Variants in FDX1 observed in about 807,000 individuals in gnomAD.
FDX1 encodes adrenodoxin, mitochondrial.
In FDX1, 9 loss-of-function variants were observed where a neutral mutation model predicts 14.9. The observed-to-expected ratio is 0.60, with a 90% CI of 0.36 to 1.05. The LOEUF is 1.05. Ranked by LOEUF, FDX1 falls within the 50% of genes least tolerant of loss-of-function variation. The pLI is 0.01. For missense variants in FDX1, 204 were observed against 237.2 expected, an observed-to-expected ratio of 0.86 and a Z score of 0.92; for synonymous variants, 92 against 99.4, an observed-to-expected ratio of 0.93 and a Z score of 0.44.
chr11:110,444,705 CGTATAT>C (rs1946434051), intron 2 of FDX1, among the ~76,000 whole-genome samples: 8 of 36,636 alleles, frequency 2.2e-4, no homozygotes, highest in African/African-American at 6.8e-4. Flanking sequence ...TATATATATA[CGTATAT>C]ATATATATAT....
chr11:110,460,664 C>T (rs1242379655), intron 3 of FDX1, among the ~76,000 whole-genome samples: 1 of 152,168 alleles, frequency 6.6e-6, no homozygotes, highest in Non-Finnish European at 1.5e-5. Flanking sequence ...TCATCTCATC[C>T]CTTTGATTGA....
intron 2 of FDX1, among the ~76,000 whole-genome samples, chr11:110,443,691 G>C (rs1946420283): frequency 6.6e-6 from 1 of 152,040 alleles, no homozygotes; most frequent in Non-Finnish European, 1.5e-5. Flanking sequence ...TGATCCGCCT[G>C]CCTTGGCCTC....
intron 2 of FDX1, among the ~76,000 whole-genome samples, chr11:110,440,458 T>C (rs1448175276): frequency 6.6e-6 from 1 of 152,198 alleles, no homozygotes; most frequent in Admixed American, 6.5e-5. Flanking sequence ...TATCTGTGTC[T>C]CTGCTTTTAT....
chr11:110,430,188 G>C lies in FDX1; in HGVS notation c.68G>C (p.Arg23Pro). ...ASAVLGGPAG[R>P]WLHHAGSRAG... ...GCTGTCCTCGGCGGCCCGGCCGGCC[G>C]GTGGCTGCACCACGCTGGGTCCCGC... Residue 23 changes from arginine to proline, a missense_variant, in exon 1 of 4, where the codon CGG becomes CCG. By Grantham distance (103) the Arg-to-Pro change is moderately radical. Coordinates refer to ENST00000260270, the MANE Select transcript of FDX1 (RefSeq NM_004109.5). The C allele has an allele frequency of 8.1e-7, 1 of 1,230,068 alleles. No homozygotes were observed. The highest frequency in any genetic ancestry group is 1.6e-5 in the African/African-American group (1 of 63,750). The allele number at this position is 1,230,068 out of a possible 1,614,324, so 76.2% of individuals were successfully genotyped here.
chr11:110,434,152 T>TA (rs1946350626), intron 1 of FDX1, among the ~76,000 whole-genome samples: 1 of 152,084 alleles, frequency 6.6e-6, no homozygotes, highest in Non-Finnish European at 1.5e-5. Context: ...CATACTATCT[T>TA]AAAAAAACAT....
chr11:110,449,471 A>G (rs1233567116), intron 2 of FDX1, among the ~76,000 whole-genome samples: 1 of 152,206 alleles, frequency 6.6e-6, no homozygotes, highest in Non-Finnish European at 1.5e-5. Context: ...ACATGTATAC[A>G]ATGTGGAATG....
intron 1 of FDX1, among the ~76,000 whole-genome samples, chr11:110,433,957 T>TG (rs1946349324): frequency 6.6e-6 from 1 of 152,236 alleles, no homozygotes; most frequent in South Asian, 2.1e-4. Flanking sequence ...TGCCATCTAC[T>TG]GGTAGTAATA....
At chr11:110,459,028 T>C (rs576334687) in intron 3 of FDX1, among the ~76,000 whole-genome samples, 2 of 152,298 alleles carry the variant, frequency 1.3e-5, no homozygotes, top group East Asian at 3.9e-4. Context: ...GGAGCAGCCA[T>C]GTCTTATTTT....
At chr11:110,439,493 C>A (rs1435133247) in intron 2 of FDX1, among the ~76,000 whole-genome samples, 1 of 152,166 alleles carries the variant, frequency 6.6e-6, no homozygotes, top group Non-Finnish European at 1.5e-5. Context: ...AGGTGTGAGC[C>A]ACCACACCCG....
intron 2 of FDX1, among the ~76,000 whole-genome samples, chr11:110,436,492 T>A (rs946347859): frequency 6.6e-6 from 1 of 152,158 alleles, no homozygotes. Context: ...CAATGCATGT[T>A]TAGATTAGCA....
At chr11:110,436,769 A>G (rs1414466512) in intron 2 of FDX1, among the ~76,000 whole-genome samples, 1 of 152,186 alleles carries the variant, frequency 6.6e-6, no homozygotes, top group Non-Finnish European at 1.5e-5. Flanking sequence ...TATCCTTTAA[A>G]GAACCATTTC....
chr11:110,436,003 G>A, intron 2 of FDX1, 45 bp downstream of exon 2: 1 of 1,545,462 alleles, frequency 6.5e-7, no homozygotes, highest in African/African-American at 1.4e-5. Context: ...AAACTGTTAG[G>A]TTTCAAATTT....
At chr11:110,435,160 T>C (rs544011074) in intron 1 of FDX1, among the ~76,000 whole-genome samples, 1 of 152,120 alleles carries the variant, frequency 6.6e-6, no homozygotes, top group South Asian at 2.1e-4. Context: ...CAAGGGATCC[T>C]CCCGTTTCAG....
Position 110,457,060 on chromosome 11 carries a change from G to T in FDX1, c.440+13G>T. ...GACTAACAGACAGGTAAGATTTTTG[G>T]ACTGCTTCAATTGTAATAATAATCT... is the stretch of plus-strand genomic sequence containing the variant. On this transcript the variant is annotated intron_variant, in intron 3 of 3. Coordinates refer to ENST00000260270, the MANE Select transcript of FDX1 (RefSeq NM_004109.5). 8 of 1,604,960 alleles carry T rather than the reference G, an allele frequency of 5.0e-6. No individual in the cohort carries two copies. The highest frequency in any genetic ancestry group is 6.8e-6 in the Non-Finnish European group (8 of 1,174,030).
intron 2 of FDX1, among the ~76,000 whole-genome samples, chr11:110,444,706 G>GTATA (rs1196710627): frequency 1.9e-4 from 6 of 30,848 alleles, no homozygotes; most frequent in Non-Finnish European, 2.7e-4. Flanking sequence ...ATATATATAC[G>GTATA]TATATATATA....
At chr11:110,429,632 C>T (rs1343533686), upstream of FDX1, among the ~76,000 whole-genome samples, 1 of 152,054 alleles carries the variant, frequency 6.6e-6, no homozygotes, top group Non-Finnish European at 1.5e-5. Flanking sequence ...GCAGAATTCA[C>T]TTTGCTCTAA....
At chr11:110,450,646 T>G (rs1453601008) in intron 2 of FDX1, among the ~76,000 whole-genome samples, 1 of 152,240 alleles carries the variant, frequency 6.6e-6, no homozygotes, top group African/African-American at 2.4e-5. Context: ...ACAAAAATGT[T>G]TGAGGATTTT....
intron 2 of FDX1, among the ~76,000 whole-genome samples, chr11:110,444,488 C>T (rs1460390222): frequency 6.6e-6 from 1 of 150,868 alleles, no homozygotes; most frequent in Admixed American, 6.6e-5. Context: ...TGGTGGCATA[C>T]ACCTGTAGTC....
intron 3 of FDX1, among the ~76,000 whole-genome samples, chr11:110,460,443 G>A (rs1251598847): frequency 2.6e-5 from 4 of 152,188 alleles, no homozygotes; most frequent in African/African-American, 9.7e-5. Flanking sequence ...TGTGACTTGA[G>A]CTTCTTTGCA....
Sources: allele counts gnomAD v4.1 joint callset (sites outside exome capture counted in the v4.1 genomes callset), GRCh38; gene constraint gnomAD v4.1.1; transcripts MANE v1.5; gene names NCBI Gene and HGNC (gene_info 2026-07-23, HGNC 2026-07-21).